TMEM217: variants seen among roughly 807,000 people sequenced by gnomAD.
The protein encoded by TMEM217 is transmembrane protein 217.
For missense variants in TMEM217, 204 were observed against 248.8 expected (o/e 0.82, Z 1.21); for synonymous variants, 76 against 88.3 (o/e 0.86, Z 0.78).
downstream of TMEM217, chr6:37,215,401 C>CTGTCT: frequency 1.6e-6 from 2 of 1,217,030 alleles, no homozygotes; most frequent in South Asian, 1.5e-5. Flanking sequence ...ATGGTGAAAC[C>CTGTCT]CCATCTCTAC....
At chr6:37,257,810 A>G in exon 1 of TMEM217, 1 of 1,248,222 alleles carries the variant, frequency 8.0e-7, no homozygotes, top group Admixed American at 2.2e-5. Context: ...GGAGCGGGTG[A>G]CCGGCGGCGG....
rs771876920 is a variant in TMEM217 at position 37,218,699 on chromosome 6, A to G, written c.332T>C (p.Ile111Thr). The G allele has an allele frequency of 3.1e-6, 5 of 1,614,036 alleles. 1 individual carries two copies. In the South Asian group the frequency reaches 4.4e-5, roughly 14 times the overall value. Residue 111 changes from isoleucine to threonine, a missense_variant, in exon 2 of 2, where the codon ATA becomes ACA. By Grantham distance (89) the Ile-to-Thr change is moderately conservative. Coordinates refer to ENST00000357219, the Ensembl canonical transcript of TMEM217. ...AAAGTCATTGTTGGTGAGGATTTGTATTACGACGTTTGCAGTTTCATAGAA... is the reference window on the plus strand; with the variant it reads ...AAAGTCATTGTTGGTGAGGATTTGTGTTACGACGTTTGCAGTTTCATAGAA...
chr6:37,232,091 AG>A (rs1470408366), intron 1 of TMEM217, among the ~76,000 whole-genome samples: 2 of 152,092 alleles, frequency 1.3e-5, no homozygotes, highest in Admixed American at 6.5e-5. Context: ...TGCTTGTGTA[AG>A]TCTTTTGTTG....
intron 1 of TMEM217, among the ~76,000 whole-genome samples, chr6:37,231,566 G>C (rs1013317219): frequency 1.3e-5 from 2 of 149,298 alleles, no homozygotes; most frequent in African/African-American, 4.9e-5. Flanking sequence ...CCAGCTATTC[G>C]GGAGGCTGAG....
chr6:37,231,752 G>A (rs1293780990), intron 1 of TMEM217, among the ~76,000 whole-genome samples: 1 of 145,702 alleles, frequency 6.9e-6, no homozygotes, highest in Non-Finnish European at 1.5e-5. Flanking sequence ...TATATATTAT[G>A]TTATTATATA....
chr6:37,252,585 GTGTA>G (rs1765467010), intron 1 of TMEM217, among the ~76,000 whole-genome samples: 2 of 29,684 alleles, frequency 6.7e-5, no homozygotes, highest in African/African-American at 4.2e-4. Flanking sequence ...GCACGTGTAC[GTGTA>G]TGTGTGTGTG....
intron 1 of TMEM217, among the ~76,000 whole-genome samples, chr6:37,234,754 T>C (rs766173146): frequency 2.0e-5 from 3 of 151,410 alleles, no homozygotes; most frequent in Non-Finnish European, 2.9e-5. Flanking sequence ...GAAAATAAAA[T>C]AAATATCGGT....
downstream of TMEM217, among the ~76,000 whole-genome samples, chr6:37,216,028 T>A (rs569728011): frequency 2.2e-3 from 250 of 116,150 alleles, 1 homozygote; most frequent in Middle Eastern, 0.015. Flanking sequence ...TGTGTGTGTG[T>A]GTGTGAGAAA....
Position 37,248,421 on chromosome 6 carries a change from C to G in TMEM217, c.-12+9147G>C, listed in dbSNP as rs117835726. 5.0e-4 allele frequency among the ~76,000 whole-genome samples: 76 copies of G among 152,250 alleles called. 1 individual carries two copies. In the East Asian group the frequency reaches 0.014, roughly 28 times the overall value. Reference sequence around the variant, plus strand: ...TGAGGCAAAATCATATGTTTTTACCCCCTTTCTCACCTTCATGGCATTCCC... The same window carrying G: ...TGAGGCAAAATCATATGTTTTTACCGCCTTTCTCACCTTCATGGCATTCCC... On this transcript the variant is annotated intron_variant, in intron 1 of 1. Coordinates refer to ENST00000357219, the Ensembl canonical transcript of TMEM217.
At chr6:37,251,661 A>G (rs1765407195) in intron 1 of TMEM217, among the ~76,000 whole-genome samples, 1 of 152,274 alleles carries the variant, frequency 6.6e-6, no homozygotes, top group African/African-American at 2.4e-5. Context: ...TAAAACATGC[A>G]TGGGAATGCT....
At chr6:37,227,439 G>GT (rs1008745388) in intron 1 of TMEM217, among the ~76,000 whole-genome samples, 4 of 151,894 alleles carry the variant, frequency 2.6e-5, no homozygotes, top group South Asian at 2.1e-4. Context: ...CTAAGCGAAG[G>GT]TTTTTTTTGT....
At chr6:37,223,395 G>A (rs1763650484) in intron 1 of TMEM217, among the ~76,000 whole-genome samples, 2 of 152,172 alleles carry the variant, frequency 1.3e-5, no homozygotes, top group African/African-American at 4.8e-5. Flanking sequence ...AAGACCAACA[G>A]TTATAGACTT....
chr6:37,248,222 C>T (rs1331164455), intron 1 of TMEM217, among the ~76,000 whole-genome samples: 1 of 152,094 alleles, frequency 6.6e-6, no homozygotes, highest in Non-Finnish European at 1.5e-5. Context: ...TAACCAGACT[C>T]CTCTACTAGA....
intron 1 of TMEM217, among the ~76,000 whole-genome samples, chr6:37,228,749 G>A (rs569225864): frequency 1.2e-4 from 18 of 151,824 alleles, no homozygotes; most frequent in African/African-American, 4.4e-4. Flanking sequence ...TATAATCCCA[G>A]CACTTTGGGA....
At chr6:37,238,916 A>G (rs1485794211) in intron 1 of TMEM217, among the ~76,000 whole-genome samples, 2 of 152,118 alleles carry the variant, frequency 1.3e-5, no homozygotes, top group African/African-American at 2.4e-5. Flanking sequence ...AGATCACCTG[A>G]AGTCAGGAGT....
intron 1 of TMEM217, among the ~76,000 whole-genome samples, chr6:37,222,633 C>T (rs1763594541): frequency 6.6e-6 from 1 of 152,236 alleles, no homozygotes; most frequent in Admixed American, 6.5e-5. Flanking sequence ...GAGGGCAGAT[C>T]CTGCCTATTC....
At chr6:37,218,930 T>C in exon 2 of TMEM217, 1 of 1,614,212 alleles carries the variant, frequency 6.2e-7, no homozygotes, top group Middle Eastern at 1.6e-4. Context: ...TAGGTGCTTC[T>C]GTTCAAAGAT....
At chr6:37,242,294 G>A (rs143226070) in intron 1 of TMEM217, among the ~76,000 whole-genome samples, 68 of 152,264 alleles carry the variant, frequency 4.5e-4, no homozygotes, top group African/African-American at 1.5e-3. Flanking sequence ...CCCCACGGTG[G>A]GCAGAACCTG....
At chr6:37,244,592 T>C (rs978755106) in intron 1 of TMEM217, among the ~76,000 whole-genome samples, 8 of 152,218 alleles carry the variant, frequency 5.3e-5, no homozygotes, top group African/African-American at 1.9e-4. Context: ...TGCCAACTCT[T>C]GGCTGATTTA....
Sources: gnomAD v4.1 joint callset for allele counts (sites outside exome capture counted in the v4.1 genomes callset) on GRCh38, gnomAD v4.1.1 for gene constraint, MANE v1.5 for transcripts, NCBI Gene and HGNC (gene_info 2026-07-23, HGNC 2026-07-21) for gene names.